Variants in A4GALT observed in about 807,000 individuals in gnomAD.
A4GALT encodes the protein lactosylceramide 4-alpha-galactosyltransferase.
For synonymous variants in A4GALT, 257 were observed against 220.7 expected, an observed-to-expected ratio of 1.16 and a Z score of -1.46; for missense variants, 512 against 486.0, an observed-to-expected ratio of 1.05 and a Z score of -0.50.
chr22:42,716,204 G>A (rs1217781651), intron 1 of A4GALT, among the ~76,000 whole-genome samples: 2 of 152,112 alleles, frequency 1.3e-5, no homozygotes, highest in African/African-American at 2.4e-5. Flanking sequence ...CAGGCTCAGG[G>A]CACACTTGCC....
In A4GALT at chr22:42,693,750, T is replaced by TGGGGGGGGGGGGGGGGGGGGGTG; in HGVS notation, c.201_202insCACCCCCCCCCCCCCCCCCCCCC (p.Thr68HisfsTer54). On this transcript the variant is annotated frameshift_variant, in exon 3 of 3. Transcript: ENST00000642412. LOFTEE classifies it low-confidence loss of function (END_TRUNC). ...GGAGTGGGGCCGTGGGAGGGTGGGG[T>TGGGGGGGGGGGGGGGGGGGGGTG]GGGGGGTGTCAAGGTGGGGCAGGGG... 1 of 391,456 alleles carries TGGGGGGGGGGGGGGGGGGGGGTG rather than the reference T, an allele frequency of 2.6e-6. No homozygotes were observed. The highest frequency in any genetic ancestry group is 4.3e-6 in the Non-Finnish European group (1 of 232,110). The allele number at this position is 391,456 out of a possible 1,614,324, so 24.2% of individuals were successfully genotyped here. A position where few individuals can be genotyped will look rare whatever the true frequency, so the allele number is the denominator to read the frequency against.
chr22:42,703,143 T>TGTGTGTGTGTGTGTGTGTGTGG (rs1555887019), intron 1 of A4GALT, among the ~76,000 whole-genome samples: 1 of 148,208 alleles, frequency 6.7e-6, no homozygotes, highest in African/African-American at 2.5e-5. Context: ...TGTGTGTGTG[T>TGTGTGTGTGTGTGTGTGTGTGG]TGTCCCCACC....
intron 1 of A4GALT, among the ~76,000 whole-genome samples, chr22:42,700,350 A>G (rs1931217410): frequency 6.6e-6 from 1 of 152,158 alleles, no homozygotes; most frequent in South Asian, 2.1e-4. Flanking sequence ...CACTCTTCTC[A>G]TGTTCTTGGG....
At chr22:42,702,551 G>A (rs1920929488) in intron 1 of A4GALT, among the ~76,000 whole-genome samples, 1 of 152,192 alleles carries the variant, frequency 6.6e-6, no homozygotes, top group South Asian at 2.1e-4. Flanking sequence ...TGGCCAGGAT[G>A]TTCTGGAACT....
At chr22:42,714,306 A>AAAAAAAC (rs1569067753) in intron 1 of A4GALT, among the ~76,000 whole-genome samples, 3 of 145,446 alleles carry the variant, frequency 2.1e-5, no homozygotes, top group Admixed American at 6.8e-5. Context: ...AAAAAAAAAA[A>AAAAAAAC]GGCAGGAATG....
rs1355365146 is a variant in A4GALT, at chr22:42,693,775, G to T, written c.177C>A (p.Ile59=). ...KGQLYNLPAE[I]PCPTLTPPTP... Reference sequence around the variant, plus strand: ...TGGGGGGTGTCAAGGTGGGGCAGGGGATCTCTGCTGGCAGGTTATAGAGCT... The same window carrying T: ...TGGGGGGTGTCAAGGTGGGGCAGGGTATCTCTGCTGGCAGGTTATAGAGCT... Residue 59 remains isoleucine, a synonymous_variant, in exon 3 of 3, where the codon ATC becomes ATA. Coordinates refer to ENST00000642412, the MANE Select transcript of A4GALT (RefSeq NM_017436.7). The T allele has an allele frequency of 6.2e-7, 1 of 1,601,854 alleles. No individual in the cohort carries two copies. The highest frequency in any genetic ancestry group is 1.1e-5 in the South Asian group (1 of 89,732).
chr22:42,710,931 G>C (rs548341481), intron 1 of A4GALT, among the ~76,000 whole-genome samples: 5 of 151,636 alleles, frequency 3.3e-5, no homozygotes, highest in Admixed American at 1.3e-4. Flanking sequence ...AGGCTGAGGC[G>C]AGAGAATTGC....
chr22:42,703,694 C>G (rs1054311790), intron 1 of A4GALT, among the ~76,000 whole-genome samples: 1 of 152,192 alleles, frequency 6.6e-6, no homozygotes, highest in Non-Finnish European at 1.5e-5. Flanking sequence ...AGATTCCCTT[C>G]TGCACAGTGC....
chr22:42,710,800 T>C (rs5758886), intron 1 of A4GALT, among the ~76,000 whole-genome samples: 23,434 of 152,028 alleles, frequency 0.15, 2,422 homozygotes, highest in East Asian at 0.59. Context: ...GGCTGGTGAA[T>C]GGCTTGAGCT....
chr22:42,704,865 G>C (rs1192898514), intron 1 of A4GALT, among the ~76,000 whole-genome samples: 4 of 90,842 alleles, frequency 4.4e-5, no homozygotes, highest in Admixed American at 2.0e-4. Flanking sequence ...AGCAGACATG[G>C]CAATGGGGGG....
intron 1 of A4GALT, among the ~76,000 whole-genome samples, chr22:42,707,955 C>CAAA (rs754976957): frequency 3.8e-5 from 4 of 106,090 alleles, no homozygotes; most frequent in Admixed American, 9.4e-5. Context: ...ACTGTCACTA[C>CAAA]AAAAAAAAAA....
chr22:42,710,496 G>C lies in A4GALT; in HGVS notation c.-188+10301C>G, dbSNP rs150071360. Among the ~76,000 whole-genome samples, 386 of 152,222 alleles carry C rather than the reference G, an allele frequency of 2.5e-3. 1 individual carries two copies. Among genetic ancestry groups the C allele is most frequent in the African/African-American group, 8.7e-3 (361 of 41,530 alleles). On this transcript the variant is annotated intron_variant, in intron 1 of 2. Transcript: ENST00000642412. ...AGATTGCTTGAGCCCAGGAGTTCAA[G>C]ACCAGTCTGGACAACATGGTGAAAC...
At chr22:42,703,057 CTG>C (rs71311456) in intron 1 of A4GALT, among the ~76,000 whole-genome samples, 3,917 of 130,030 alleles carry the variant, frequency 0.03, 73 homozygotes, top group African/African-American at 0.045. Context: ...TGCTGCCCTG[CTG>C]TGTGTGTGTG....
intron 1 of A4GALT, among the ~76,000 whole-genome samples, chr22:42,720,451 C>T (rs1013331154): frequency 2.0e-5 from 3 of 152,138 alleles, no homozygotes; most frequent in African/African-American, 7.2e-5. Flanking sequence ...CTGCCTCGAA[C>T]CCGGCTTCTC....
chr22:42,701,012 G>C (rs1240934092), intron 1 of A4GALT, among the ~76,000 whole-genome samples: 1 of 152,166 alleles, frequency 6.6e-6, no homozygotes, highest in Non-Finnish European at 1.5e-5. Context: ...TGGATGGTGA[G>C]AGCCTGCCAT....
chr22:42,701,482 A>T (rs1331993557), intron 1 of A4GALT, among the ~76,000 whole-genome samples: 1 of 152,162 alleles, frequency 6.6e-6, no homozygotes, highest in Non-Finnish European at 1.5e-5. Flanking sequence ...CATCACTAAC[A>T]TAGCAGCTCC....
rs1013259657 is a variant in A4GALT, at chr22:42,720,200, C to G, written c.-188+597G>C. Among the ~76,000 whole-genome samples the G allele has an allele frequency of 2.0e-5, 3 of 152,266 alleles. No individual in the cohort carries two copies. In the South Asian group the frequency reaches 6.2e-4, roughly 32 times the overall value. On this transcript the variant is annotated intron_variant, in intron 1 of 2. Coordinates refer to ENST00000642412, the MANE Select transcript of A4GALT (RefSeq NM_017436.7). ...CCGGGCGACTCCAACCGGCTCGCCC[C>G]GTGCCCAGCTCGTACCCAGGCCGTT... is the stretch of plus-strand genomic sequence containing the variant.
intron 1 of A4GALT, among the ~76,000 whole-genome samples, chr22:42,720,362 C>T (rs994351214): frequency 5.5e-5 from 8 of 144,800 alleles, no homozygotes; most frequent in African/African-American, 2.0e-4. Flanking sequence ...GTCGCATCCG[C>T]TCCGGGGCGA....
intron 1 of A4GALT, among the ~76,000 whole-genome samples, chr22:42,713,402 G>A (rs1055262938): frequency 2.6e-5 from 4 of 152,218 alleles, no homozygotes; most frequent in Non-Finnish European, 2.9e-5. Context: ...GTGCCTGGGC[G>A]CCAATGTTGT....
Sources: gnomAD v4.1 joint callset for allele counts (sites outside exome capture counted in the v4.1 genomes callset) on GRCh38, gnomAD v4.1.1 for gene constraint, MANE v1.5 for transcripts, NCBI Gene and HGNC (gene_info 2026-07-23, HGNC 2026-07-21) for gene names.